NRXN3: variants seen among roughly 807,000 people sequenced by gnomAD.
The protein encoded by NRXN3 is neurexin 3.
Under a neutral mutation model 137.6 loss-of-function variants are expected in NRXN3, and 32 were observed. That is an observed-to-expected ratio of 0.23 (90% confidence interval 0.18 to 0.31). The LOEUF (loss-of-function observed/expected upper bound fraction) is 0.31, where lower values mean the gene tolerates loss of function less well. NRXN3 is among the 10% of genes least tolerant of loss of function. The pLI is 1.00. For missense variants in NRXN3, 1,574 were observed against 2,062.5 expected (o/e 0.76, Z 4.59); for synonymous variants, 798 against 784.5 (o/e 1.02, Z -0.29).
chr14:78,695,787 A>G (rs2098219654), intron 6 of NRXN3: 1 of 152,060 alleles, frequency 6.6e-6, no homozygotes, highest in Non-Finnish European at 1.5e-5. Flanking sequence ...TCAAGAGAAT[A>G]AAAATGGGTC....
At chr14:78,332,320 T>C (rs1006155912) in intron 4 of NRXN3, among the ~76,000 whole-genome samples, 7 of 224 alleles carry the variant, frequency 0.031, no homozygotes, top group African/African-American at 0.038. Context: ...TTCTTCTTCT[T>C]TTTTTTTTTT....
intron 10 of NRXN3, among the ~76,000 whole-genome samples, chr14:78,955,310 C>T (rs894950416): frequency 2.6e-5 from 4 of 152,110 alleles, no homozygotes; most frequent in Non-Finnish European, 4.4e-5. Flanking sequence ...TTTCAATGCC[C>T]TCACTGTTGG....
At chr14:78,551,926 A>G (rs1028964366) in intron 4 of NRXN3, among the ~76,000 whole-genome samples, 1 of 152,112 alleles carries the variant, frequency 6.6e-6, no homozygotes, top group Non-Finnish European at 1.5e-5. Context: ...TAGGACCAAA[A>G]GTGCCCTTAG....
At chr14:78,215,948 T>C (rs1566987154) in intron 1 of NRXN3, among the ~76,000 whole-genome samples, 1 of 152,212 alleles carries the variant, frequency 6.6e-6, no homozygotes, top group Non-Finnish European at 1.5e-5. Flanking sequence ...CAGCAGTGAT[T>C]GATAAACTGC....
chr14:78,707,855 T>G (rs913314326), intron 6 of NRXN3, among the ~76,000 whole-genome samples: 1 of 152,342 alleles, frequency 6.6e-6, no homozygotes, highest in East Asian at 1.9e-4. Context: ...GTTTCCAGTC[T>G]TATCCAGGTC....
intron 15 of NRXN3, among the ~76,000 whole-genome samples, chr14:79,454,506 G>T (rs538217490): frequency 6.6e-6 from 1 of 152,238 alleles, no homozygotes; most frequent in Non-Finnish European, 1.5e-5. Flanking sequence ...ATGAGTCACC[G>T]TGCCCAGCCC....
chr14:78,706,689 T>C (rs921321691), intron 6 of NRXN3, among the ~76,000 whole-genome samples: 1 of 152,216 alleles, frequency 6.6e-6, no homozygotes, highest in African/African-American at 2.4e-5. Flanking sequence ...TGTTAAATCC[T>C]TACCATGGTG....
At chr14:79,129,873 G>A (rs866762931) in intron 15 of NRXN3, among the ~76,000 whole-genome samples, 1,919 of 138,178 alleles carry the variant, frequency 0.014, 36 homozygotes, top group African/African-American at 0.05. Flanking sequence ...TGTATTGGGT[G>A]CATATATATT....
chr14:79,134,738 T>C (rs1156918452), intron 15 of NRXN3, among the ~76,000 whole-genome samples: 1 of 152,222 alleles, frequency 6.6e-6, no homozygotes, highest in Non-Finnish European at 1.5e-5. Flanking sequence ...ATCTCTATTT[T>C]AGAGATAATT....
intron 6 of NRXN3, among the ~76,000 whole-genome samples, chr14:78,682,474 C>T (rs2152745946): frequency 6.6e-6 from 1 of 152,036 alleles, no homozygotes. Flanking sequence ...CTTTTTGAGC[C>T]TGGGCCTTGT....
intron 6 of NRXN3, among the ~76,000 whole-genome samples, chr14:78,682,459 T>A (rs1477289418): frequency 6.6e-6 from 1 of 151,822 alleles, no homozygotes; most frequent in African/African-American, 2.4e-5. Flanking sequence ...TTGACAGTCA[T>A]TGGGCTTTTT....
At chr14:79,596,168 T>C (rs557435775) in intron 16 of NRXN3, among the ~76,000 whole-genome samples, 2 of 152,176 alleles carry the variant, frequency 1.3e-5, no homozygotes, top group African/African-American at 4.8e-5. Flanking sequence ...TTCCTCTCCT[T>C]TTTGAGCTGT....
intron 19 of NRXN3, among the ~76,000 whole-genome samples, chr14:79,772,188 A>C (rs969859068): frequency 6.6e-6 from 1 of 152,148 alleles, no homozygotes; most frequent in African/African-American, 2.4e-5. Context: ...TATCATGAAA[A>C]TGGCCATACT....
Position 79,667,458 on chromosome 14 carries a change from T to C in NRXN3, c.3616+3509T>C, listed in dbSNP as rs79180344. Among the ~76,000 whole-genome samples, 1,226 of 152,032 alleles carry C rather than the reference T, an allele frequency of 8.1e-3. 16 individuals are homozygous for C. The highest frequency in any genetic ancestry group is 0.027 in the African/African-American group (1,132 of 41,482). ...CGGGATGAATGGGTCATCTCCACAG[T>C]CTTCTCATGGGCATTTATGGGGCTC... On this transcript the variant is annotated intron_variant, in intron 17 of 20. Transcript: ENST00000335750.
At chr14:79,096,149 C>T (rs1409168020) in intron 15 of NRXN3, among the ~76,000 whole-genome samples, 1 of 151,506 alleles carries the variant, frequency 6.6e-6, no homozygotes, top group Non-Finnish European at 1.5e-5. Context: ...CCTCTGTCAC[C>T]CAGGCTGGAG....
chr14:79,479,816 G>A (rs2096591185), intron 16 of NRXN3, among the ~76,000 whole-genome samples: 1 of 152,000 alleles, frequency 6.6e-6, no homozygotes. Context: ...AGATTGGCCT[G>A]GAGACTAATC....
At chr14:78,757,389 CAGAG>C (rs1399697756) in intron 8 of NRXN3, among the ~76,000 whole-genome samples, 2 of 140,284 alleles carry the variant, frequency 1.4e-5, no homozygotes, top group African/African-American at 3.0e-5. Context: ...GCCTGGGCGA[CAGAG>C]AGAGATTCCA....
chr14:79,840,322 G>T (rs2141433828), intron 20 of NRXN3, among the ~76,000 whole-genome samples: 1 of 152,142 alleles, frequency 6.6e-6, no homozygotes, highest in Admixed American at 6.6e-5. Context: ...TTTTTCCACT[G>T]CCCCTAGCAG....
chr14:79,788,256 C>T (rs988125250), intron 19 of NRXN3, among the ~76,000 whole-genome samples: 1 of 152,166 alleles, frequency 6.6e-6, no homozygotes, highest in Non-Finnish European at 1.5e-5. Flanking sequence ...CACCGGGTTC[C>T]CTCCCATGAC....
Sources: allele counts gnomAD v4.1 joint callset (sites outside exome capture counted in the v4.1 genomes callset), GRCh38; gene constraint gnomAD v4.1.1; transcripts MANE v1.5; gene names NCBI Gene and HGNC (gene_info 2026-07-23, HGNC 2026-07-21).